Variants in FGF13 observed in about 807,000 individuals in gnomAD.
The protein encoded by FGF13 is fibroblast growth factor 13.
Under a neutral mutation model 19.5 loss-of-function variants are expected in FGF13, and 2 were observed. The observed-to-expected ratio is 0.10, with a 90% CI of 0.04 to 0.32. The LOEUF is 0.32. Among genes scored for constraint, FGF13 ranks in the 10% least tolerant of loss-of-function variants. The pLI is 1.00. For missense variants in FGF13, 113 were observed against 192.7 expected (o/e 0.59, Z 2.45); for synonymous variants, 72 against 76.9 (o/e 0.94, Z 0.33).
intron 3 of FGF13, among the ~76,000 whole-genome samples, chrX:138,844,532 G>T (rs1422004114): frequency 9.0e-6 from 1 of 111,654 alleles, no homozygotes. Flanking sequence ...ACATTGAAAG[G>T]AACTGGATTA....
intron 3 of FGF13, among the ~76,000 whole-genome samples, chrX:138,766,323 CT>C (rs1322468023): frequency 8.9e-6 from 1 of 111,923 alleles, no homozygotes; most frequent in Non-Finnish European, 1.9e-5. Context: ...GTGATGTGCT[CT>C]TGCTAATGTG....
chrX:139,113,626 G>T (rs116060417), intron 1 of FGF13, among the ~76,000 whole-genome samples: 2 of 112,294 alleles, frequency 1.8e-5, no homozygotes, highest in African/African-American at 6.5e-5. Context: ...CTTAAAATAC[G>T]TGGTTACATT....
intron 1 of FGF13, among the ~76,000 whole-genome samples, chrX:139,159,542 TAAAG>T (rs2148253456): frequency 9.4e-6 from 1 of 106,585 alleles, no homozygotes; most frequent in Non-Finnish European, 1.9e-5. Flanking sequence ...GCAAATTGGA[TAAAG>T]AGTCAAGACC....
At chrX:139,173,215 CAGA>C (rs1161382222) in intron 1 of FGF13, among the ~76,000 whole-genome samples, 1 of 111,126 alleles carries the variant, frequency 9.0e-6, no homozygotes, top group Non-Finnish European at 1.9e-5. Context: ...TACAAGAAAT[CAGA>C]AGATCTGGAC....
At chrX:139,088,237 C>T (rs757421805) in intron 1 of FGF13, among the ~76,000 whole-genome samples, 6 of 111,983 alleles carry the variant, frequency 5.4e-5, no homozygotes, top group Non-Finnish European at 1.1e-4. Flanking sequence ...CATTGCACAT[C>T]TTAGCAGTGA....
chrX:138,896,216 A>G (rs2124202289), intron 1 of FGF13, among the ~76,000 whole-genome samples: 1 of 110,807 alleles, frequency 9.0e-6, no homozygotes, highest in African/African-American at 3.4e-5. Context: ...TTGATTAATC[A>G]TTCCACAATT....
intron 3 of FGF13, among the ~76,000 whole-genome samples, chrX:138,793,421 C>A (rs2090756330): frequency 9.0e-6 from 1 of 111,229 alleles, no homozygotes; most frequent in African/African-American, 3.3e-5. Flanking sequence ...GCTACAGATT[C>A]CAGGATGGTC....
At chrX:138,813,987 T>A (rs1238052491) in intron 3 of FGF13, among the ~76,000 whole-genome samples, 1 of 110,494 alleles carries the variant, frequency 9.1e-6, no homozygotes, top group East Asian at 2.9e-4. Context: ...TATGCACATG[T>A]TCTGCTTGTT....
At position 138,690,519 on chromosome X, in the gene FGF13, C is replaced by G. The variant is rs187796335; in HGVS notation, c.402+12465G>C. Among the ~76,000 whole-genome samples the G allele has an allele frequency of 2.4e-4, 26 of 109,705 alleles. No individual in the cohort carries two copies. In the East Asian group the frequency reaches 6.8e-3, roughly 29 times the overall value. ...TCCACTTGTGCTGGGCAAGTGGGAG[C>G]CTTTTTTTTTTCTGAGTCACACATA... On this transcript the variant is annotated intron_variant, in intron 3 of 4. Transcript: ENST00000315930.
chrX:138,736,032 A>C (rs771003454), intron 1 of FGF13, among the ~76,000 whole-genome samples: 1 of 112,276 alleles, frequency 8.9e-6, no homozygotes, highest in African/African-American at 3.2e-5. Flanking sequence ...GATATGCCTA[A>C]ATTTTTAGGC....
chrX:139,027,592 T>C (rs2092205481), intron 1 of FGF13, among the ~76,000 whole-genome samples: 1 of 112,250 alleles, frequency 8.9e-6, no homozygotes, highest in African/African-American at 3.2e-5. Flanking sequence ...GACAGTGACA[T>C]TTAAAACATG....
intron 1 of FGF13, among the ~76,000 whole-genome samples, chrX:139,026,250 G>T (rs762666467): frequency 1.8e-5 from 2 of 110,157 alleles, no homozygotes; most frequent in South Asian, 7.9e-4. Flanking sequence ...TTTTTTTAAC[G>T]TTAACATATT....
intron 3 of FGF13, among the ~76,000 whole-genome samples, chrX:138,638,573 AT>A (rs1229735413): frequency 9.0e-6 from 1 of 111,095 alleles, no homozygotes; most frequent in African/African-American, 3.3e-5. Flanking sequence ...AACTTGTCTT[AT>A]TTTTTCCCCA....
intron 1 of FGF13, among the ~76,000 whole-genome samples, chrX:139,047,392 G>T (rs181729493): frequency 0.029 from 3,091 of 105,517 alleles, 131 homozygotes; most frequent in African/African-American, 0.095. Flanking sequence ...TTATTTTTTG[G>T]TTTTTTTTTT....
rs1424693938 is a variant in FGF13, at chrX:138,784,284, G to A, written c.217+73228C>T. 2.0e-5 allele frequency among the ~76,000 whole-genome samples: 2 copies of A among 100,322 alleles called. 1 individual carries two copies. The highest frequency in any genetic ancestry group is 4.0e-5 in the Non-Finnish European group (2 of 49,993). 87.1% of individuals were successfully genotyped at this position (100,322 alleles called of 115,157 possible). A position where few individuals can be genotyped will look rare whatever the true frequency, so the allele number is the denominator to read the frequency against. On this transcript the variant is annotated intron_variant, in intron 3 of 6. Coordinates refer to the FGF13 transcript ENST00000436198. ...TACGTATGTAACTAACCTGCACAAT[G>A]TGCACATGTACCCTAAAACTTAAAG...
Position 138,631,847 on chromosome X carries a change from A to G in FGF13, c.*1003T>C, listed in dbSNP as rs2089119831. On this transcript the variant is annotated 3_prime_UTR_variant, in exon 5 of 5. Coordinates refer to ENST00000315930, the MANE Select transcript of FGF13 (RefSeq NM_004114.5). Reference sequence around the variant, plus strand: ...CTTAAACACTTTTCCAGTAGCAAGTATAATATATGTTGTTGAGGGAAAACC... The same window carrying G: ...CTTAAACACTTTTCCAGTAGCAAGTGTAATATATGTTGTTGAGGGAAAACC... 8.9e-6 allele frequency: 1 copy of G among 112,423 alleles called. No homozygotes were observed. The highest frequency in any genetic ancestry group is 1.9e-5 in the Non-Finnish European group (1 of 53,240). 9.3% of individuals were successfully genotyped at this position (112,423 alleles called of 1,213,427 possible).
At chrX:138,922,241 T>C (rs766845406) in intron 1 of FGF13, among the ~76,000 whole-genome samples, 11 of 111,718 alleles carry the variant, frequency 9.8e-5, no homozygotes, top group Non-Finnish European at 1.9e-4. Flanking sequence ...AACATGTCCA[T>C]TATCCAGATA....
intron 1 of FGF13, among the ~76,000 whole-genome samples, chrX:139,053,817 G>A (rs1050932569): frequency 2.7e-5 from 3 of 111,689 alleles, no homozygotes; most frequent in Non-Finnish European, 5.6e-5. Flanking sequence ...TCTTGGTCAT[G>A]AAATCCTTGC....
intron 1 of FGF13, among the ~76,000 whole-genome samples, chrX:139,191,989 G>A (rs1428203982): frequency 1.8e-5 from 2 of 111,785 alleles, no homozygotes; most frequent in African/African-American, 3.3e-5. Flanking sequence ...TGCGAGAGCC[G>A]AGGCTTTGAA....
Sources: allele counts gnomAD v4.1 joint callset (sites outside exome capture counted in the v4.1 genomes callset), GRCh38; gene constraint gnomAD v4.1.1; transcripts MANE v1.5; gene names NCBI Gene and HGNC (gene_info 2026-07-23, HGNC 2026-07-21).